ZNF148: variants seen among roughly 807,000 people sequenced by gnomAD.
ZNF148 encodes the protein Beta-Enolase Repressor Factor-1.
A neutral mutation model predicts 67.7 loss-of-function variants in ZNF148; 7 were observed. The ratio of observed to expected loss-of-function variants is 0.10; its 90% CI spans 0.06 to 0.19. The LOEUF is 0.19. Ranked by LOEUF, ZNF148 falls within the 10% of genes least tolerant of loss-of-function variation. The pLI is 1.00. For missense variants in ZNF148, 583 were observed against 947.1 expected (o/e 0.62, Z 5.05); for synonymous variants, 333 against 330.7 (o/e 1.01, Z -0.08).
chr3:125,279,461 A>C (rs1938257746), intron 5 of ZNF148, among the ~76,000 whole-genome samples: 1 of 152,112 alleles, frequency 6.6e-6, no homozygotes, highest in African/African-American at 2.4e-5. Flanking sequence ...CACTAATAAA[A>C]CCTTGGAAGC....
At chr3:125,285,372 C>A (rs1938603118) in intron 5 of ZNF148, among the ~76,000 whole-genome samples, 1 of 152,164 alleles carries the variant, frequency 6.6e-6, no homozygotes, top group East Asian at 1.9e-4. Context: ...TTTTTATATA[C>A]ACTCCTGAGA....
intron 7 of ZNF148, among the ~76,000 whole-genome samples, chr3:125,269,039 C>T (rs1224324296): frequency 6.6e-6 from 1 of 151,876 alleles, no homozygotes; most frequent in East Asian, 1.9e-4. Context: ...GACATGAGAA[C>T]AGACACTTCT....
intron 1 of ZNF148, among the ~76,000 whole-genome samples, chr3:125,355,649 G>A (rs1034516377): frequency 6.6e-6 from 1 of 151,986 alleles, no homozygotes; most frequent in African/African-American, 2.4e-5. Flanking sequence ...CACTTTGGGA[G>A]GCCGAGGCAG....
intron 7 of ZNF148, among the ~76,000 whole-genome samples, chr3:125,243,142 C>G (rs1042787714): frequency 6.6e-6 from 1 of 152,202 alleles, no homozygotes; most frequent in African/African-American, 2.4e-5. Flanking sequence ...TACGCCTTCC[C>G]ATTTCACAAA....
intron 5 of ZNF148, among the ~76,000 whole-genome samples, chr3:125,287,277 G>A (rs1292160348): frequency 3.3e-5 from 5 of 152,166 alleles, no homozygotes; most frequent in Admixed American, 2.0e-4. Context: ...CAAATATGCT[G>A]CAGAGAGTTC....
intron 1 of ZNF148, among the ~76,000 whole-genome samples, chr3:125,356,774 AAGT>A (rs1198454859): frequency 6.6e-6 from 1 of 152,228 alleles, no homozygotes; most frequent in Non-Finnish European, 1.5e-5. Flanking sequence ...TCTACTGCAC[AAGT>A]AGTTCTTTCC....
At chr3:125,313,742 C>A in intron 3 of ZNF148, 86 bp from the exon 4 acceptor site, 1 of 1,044,422 alleles carries the variant, frequency 9.6e-7, no homozygotes, top group Non-Finnish European at 1.4e-6. Context: ...AGAATTTGAA[C>A]ATTCAAATAC....
At chr3:125,362,083 T>C (rs760582993) in intron 1 of ZNF148, among the ~76,000 whole-genome samples, 17 of 152,212 alleles carry the variant, frequency 1.1e-4, no homozygotes, top group Non-Finnish European at 2.5e-4. Flanking sequence ...ATCTGTTTTC[T>C]CCATGCCCAC....
At chr3:125,339,140 G>A (rs79261090) in intron 1 of ZNF148, among the ~76,000 whole-genome samples, 1 of 152,036 alleles carries the variant, frequency 6.6e-6, no homozygotes, top group Non-Finnish European at 1.5e-5. Context: ...AGCCTCCCAA[G>A]TTGCTGAGAT....
Position 125,343,156 on chromosome 3 carries a change from A to G in ZNF148, c.-233-11918T>C, listed in dbSNP as rs546282767. On this transcript the variant is annotated intron_variant, in intron 1 of 8. Transcript: ENST00000360647. Reference sequence around the variant, plus strand: ...AGCAGACTAACACTACATGACTCACATTTTAAACACGATGGAAAAGTAGAT... The same window carrying G: ...AGCAGACTAACACTACATGACTCACGTTTTAAACACGATGGAAAAGTAGAT... Among the ~76,000 whole-genome samples, 4 of 152,316 alleles carry G rather than the reference A, an allele frequency of 2.6e-5. No individual in the cohort carries two copies. In the East Asian group the frequency reaches 7.7e-4, roughly 29 times the overall value.
intron 1 of ZNF148, among the ~76,000 whole-genome samples, chr3:125,337,174 T>C (rs542663784): frequency 1.3e-5 from 2 of 152,154 alleles, no homozygotes; most frequent in African/African-American, 2.4e-5. Context: ...GTGAAAATTT[T>C]CACCTACCCT....
At chr3:125,336,677 C>CTTTTTTTTTTTTTT (rs71148176) in intron 1 of ZNF148, among the ~76,000 whole-genome samples, 31 of 95,324 alleles carry the variant, frequency 3.3e-4, no homozygotes, top group African/African-American at 4.4e-4. Context: ...CAGAAATCAC[C>CTTTTTTTTTTTTTT]TTTTTTTTTT....
At chr3:125,348,323 G>C (rs1942020297) in intron 1 of ZNF148, among the ~76,000 whole-genome samples, 1 of 151,300 alleles carries the variant, frequency 6.6e-6, no homozygotes, top group Non-Finnish European at 1.5e-5. Context: ...CTTCAAAAGT[G>C]TCACAAGAAA....
At chr3:125,341,286 T>A (rs934627948) in intron 1 of ZNF148, among the ~76,000 whole-genome samples, 1 of 142,622 alleles carries the variant, frequency 7.0e-6, no homozygotes, top group African/African-American at 2.6e-5. Context: ...AAAAGAAGCA[T>A]AGTCTTCAGA....
In ZNF148 at chr3:125,315,289, T is replaced by G. The variant is rs1269802354; in HGVS notation, c.-16-1633A>C. 2.0e-5 allele frequency among the ~76,000 whole-genome samples: 3 copies of G among 152,156 alleles called. No individual in the cohort carries two copies. In the East Asian group the frequency reaches 5.8e-4, roughly 29 times the overall value. On this transcript the variant is annotated intron_variant, in intron 3 of 8. Coordinates refer to ENST00000360647, the MANE Select transcript of ZNF148 (RefSeq NM_021964.3). ...AGTCAAAAACTCCATATCCTTAATA[T>G]ATTAAAATACCTTAAAAATTAGAAG... is the stretch of plus-strand genomic sequence containing the variant.
intron 7 of ZNF148, among the ~76,000 whole-genome samples, chr3:125,239,693 C>G (rs983070157): frequency 1.3e-5 from 2 of 152,114 alleles, no homozygotes; most frequent in South Asian, 4.1e-4. Flanking sequence ...GAAGTTCACA[C>G]AAAAACTCAT....
rs1405953745 is a variant in ZNF148 at position 125,232,294 on chromosome 3, T to A, written c.*47A>T. The stretch of plus-strand genomic sequence containing the variant: ...TTACACAGAGTAACCCCACTCTTGA[T>A]TAATCTGTTCTAAAGTGCCAGTATT... On this transcript the variant is annotated 3_prime_UTR_variant, in exon 9 of 9. Coordinates refer to ENST00000360647, the MANE Select transcript of ZNF148 (RefSeq NM_021964.3). The surrounding 1 kb of genome is among the most constrained non-coding windows in gnomAD (Gnocchi z 4.2). 6.5e-7 allele frequency: 1 copy of A among 1,541,248 alleles called. No individual in the cohort carries two copies. Among genetic ancestry groups the A allele is most frequent in the Non-Finnish European group, 8.7e-7 (1 of 1,147,352 alleles).
chr3:125,312,864 C>T (rs887769481), intron 4 of ZNF148, among the ~76,000 whole-genome samples: 2 of 151,978 alleles, frequency 1.3e-5, no homozygotes, highest in Non-Finnish European at 2.9e-5. Context: ...AAAAGATAAA[C>T]AGATCAAGCA....
In ZNF148 at chr3:125,267,413, C is replaced by T. The variant is rs114911318; in HGVS notation, c.667+10313G>A. ...TATTCCCGGGATGCAATGCTGGTTC[C>T]CCATATGCAAATCAATGAATGTGAT... is the stretch of plus-strand genomic sequence containing the variant. On this transcript the variant is annotated intron_variant, in intron 7 of 8. Transcript: ENST00000360647. 1.9e-3 allele frequency among the ~76,000 whole-genome samples: 286 copies of T among 151,908 alleles called. 1 individual carries two copies. Among genetic ancestry groups the T allele is most frequent in the Non-Finnish European group, 3.6e-3 (243 of 67,926 alleles).
Sources: allele counts gnomAD v4.1 joint callset (sites outside exome capture counted in the v4.1 genomes callset), GRCh38; gene constraint gnomAD v4.1.1; non-coding constraint Gnocchi (gnomAD v3.1); transcripts MANE v1.5; gene names NCBI Gene and HGNC (gene_info 2026-07-23, HGNC 2026-07-21).